The following CSPP1 variants were observed in gnomAD, a reference collection of about 807,000 sequenced individuals.
CSPP1 encodes centrosome and spindle pole-associated protein 1.
CSPP1 carries 126 observed loss-of-function variants against 164.4 expected under a neutral mutation model. That is an observed-to-expected ratio of 0.77 (90% confidence interval 0.66 to 0.89). The LOEUF is 0.89. Among genes scored for constraint, CSPP1 ranks in the 40% least tolerant of loss-of-function variants. CSPP1 has a pLI of 0.00. For missense variants in CSPP1, 1,395 were observed against 1,449.8 expected (o/e 0.96, Z 0.61); for synonymous variants, 472 against 476.7 (o/e 0.99, Z 0.13).
At position 67,091,881 on chromosome 8, in the gene CSPP1, A is replaced by G; in HGVS notation, c.382A>G (p.Lys128Glu). Residue 128 changes from lysine to glutamate, a missense_variant and splice_region_variant, in exon 5 of 31, where the codon AAG (lysine) becomes GAG (glutamate). By Grantham distance (56) the Lys-to-Glu change is moderately conservative. Transcript: ENST00000678616. ...SLPIGERLSAKERLKLERNKE... is the reference protein window; with the variant it reads ...SLPIGERLSAEERLKLERNKE... ...TCCTATTGGTGAGAGGTTATCTGCT[A>G]AGGTAGGTGGATAGGAGTAGTTATT... is the stretch of plus-strand genomic sequence containing the variant. The G allele has an allele frequency of 7.6e-7, 1 of 1,318,826 alleles. No homozygotes were observed. Among genetic ancestry groups the G allele is most frequent in the Non-Finnish European group, 1.0e-6 (1 of 989,632 alleles). The allele number at this position is 1,318,826 out of a possible 1,614,324, so 81.7% of individuals were successfully genotyped here. A position where few individuals can be genotyped will look rare whatever the true frequency, so the allele number is the denominator to read the frequency against.
At chr8:67,159,486 T>TATATATATATATAATACA (rs1827306647) in intron 21 of CSPP1, among the ~76,000 whole-genome samples, 1 of 141,980 alleles carries the variant, frequency 7.0e-6, no homozygotes, top group Non-Finnish European at 1.5e-5. Context: ...TGAGAGTGGT[T>TATATATATATATAATACA]TATATATATA....
At chr8:67,064,636 G>C in intron 1 of CSPP1, 98 bp downstream of exon 1, 1 of 1,152,976 alleles carries the variant, frequency 8.7e-7, no homozygotes, top group Non-Finnish European at 1.2e-6. Flanking sequence ...TCGGGGCGTA[G>C]GTCTCGAGGC....
chr8:67,108,591 A>G (rs925945526), intron 9 of CSPP1, among the ~76,000 whole-genome samples: 1 of 152,092 alleles, frequency 6.6e-6, no homozygotes, highest in Non-Finnish European at 1.5e-5. Context: ...CCCAGTTTTC[A>G]GCAAGACCTT....
At chr8:67,081,595 CTTA>C (rs1190192029) in intron 3 of CSPP1, among the ~76,000 whole-genome samples, 1 of 152,168 alleles carries the variant, frequency 6.6e-6, no homozygotes, top group Non-Finnish European at 1.5e-5. Context: ...TTCTTACTAA[CTTA>C]TTATTGTTTA....
chr8:67,157,221 T>C (rs779087969), intron 19 of CSPP1, among the ~76,000 whole-genome samples: 53 of 152,192 alleles, frequency 3.5e-4, no homozygotes, highest in Admixed American at 1.7e-3. Flanking sequence ...CTTATGCATA[T>C]TTAATAATGT....
intron 24 of CSPP1, among the ~76,000 whole-genome samples, chr8:67,166,593 C>G (rs1482009281): frequency 1.3e-5 from 2 of 152,114 alleles, no homozygotes; most frequent in African/African-American, 4.8e-5. Flanking sequence ...CAATAATTCT[C>G]CCATAGTAGG....
intron 4 of CSPP1, 25 bp from the exon 5 acceptor site, chr8:67,091,778 A>AT (rs764064453): frequency 3.4e-6 from 3 of 872,564 alleles, no homozygotes; most frequent in East Asian, 6.5e-5. Flanking sequence ...TAGGTAATAT[A>AT]TTTTTTTAAT....
intron 28 of CSPP1, among the ~76,000 whole-genome samples, chr8:67,185,737 TGAA>T (rs1321143743): frequency 1.3e-5 from 2 of 152,008 alleles, no homozygotes; most frequent in East Asian, 1.9e-4. Flanking sequence ...CTGAAGATGA[TGAA>T]GATGATGATG....
intron 6 of CSPP1, 130 bp from the exon 7 acceptor site, chr8:67,095,163 T>A (rs1812488478): frequency 4.1e-6 from 2 of 488,870 alleles, no homozygotes; most frequent in Admixed American, 7.6e-5. Context: ...TATATATATA[T>A]AAATATATGG....
rs1265957992 is a variant in CSPP1, at chr8:67,179,844, T to C, written c.3157-19T>C. 6.4e-7 allele frequency: 1 copy of C among 1,552,488 alleles called. No individual in the cohort carries two copies. The highest frequency in any genetic ancestry group is 1.4e-5 in the African/African-American group (1 of 73,374). On this transcript the variant is annotated intron_variant, in intron 27 of 30. Coordinates refer to ENST00000678616, the MANE Select transcript of CSPP1 (RefSeq NM_001382391.1). ...ACACAAAACTAATAAAAATAGTCATTGAAACATGTTTCTTTTAGCCCAGAG... is the reference window on the plus strand; with the variant it reads ...ACACAAAACTAATAAAAATAGTCATCGAAACATGTTTCTTTTAGCCCAGAG...
intron 26 of CSPP1, among the ~76,000 whole-genome samples, chr8:67,176,941 T>C (rs566622329): frequency 6.6e-6 from 1 of 151,790 alleles, no homozygotes; most frequent in South Asian, 2.1e-4. Context: ...CATGGAGGCG[T>C]GTGCCTGTAG....
intron 29 of CSPP1, among the ~76,000 whole-genome samples, chr8:67,192,235 TG>T (rs1836535033): frequency 6.6e-6 from 1 of 152,056 alleles, no homozygotes; most frequent in African/African-American, 2.4e-5. Flanking sequence ...CCAACACGCC[TG>T]GCTAAGTTTT....
At chr8:67,101,253 A>C (rs545573445) in intron 7 of CSPP1, among the ~76,000 whole-genome samples, 3 of 152,206 alleles carry the variant, frequency 2.0e-5, no homozygotes, top group Non-Finnish European at 4.4e-5. Flanking sequence ...GAAGAAAAGC[A>C]AATGTTTAGC....
chr8:67,106,886 T>C (rs1815662019), intron 9 of CSPP1, among the ~76,000 whole-genome samples: 1 of 152,182 alleles, frequency 6.6e-6, no homozygotes. Context: ...TGTTCCCTTG[T>C]GAATGGCTAT....
At position 67,158,479 on chromosome 8, in the gene CSPP1, G is replaced by A; in HGVS notation, c.2274G>A (p.Glu758=). Residue 758 remains glutamate, a synonymous_variant, in exon 20 of 31, where the codon GAG becomes GAA. Coordinates refer to ENST00000678616, the MANE Select transcript of CSPP1 (RefSeq NM_001382391.1). ...IEEKKQREEA[E]RERLRIAEEK... is the part of the protein sequence containing the mutation. ...AAAAGAAACAAAGAGAGGAAGCAGAGCGAGAGAGACTGAGAATTGCAGAAG... is the reference window on the plus strand; with the variant it reads ...AAAAGAAACAAAGAGAGGAAGCAGAACGAGAGAGACTGAGAATTGCAGAAG... The A allele has an allele frequency of 1.9e-6, 3 of 1,612,682 alleles. No homozygotes were observed. Among genetic ancestry groups the A allele is most frequent in the Non-Finnish European group, 2.5e-6 (3 of 1,179,154 alleles).
intron 12 of CSPP1, 25 bp from the exon 13 acceptor site, chr8:67,115,889 A>G: frequency 6.3e-7 from 1 of 1,592,122 alleles, no homozygotes; most frequent in Non-Finnish European, 8.6e-7. Context: ...ATATGTAACA[A>G]ACAGATTTTT....
At chr8:67,190,804 G>A (rs1329206940) in intron 29 of CSPP1, 45 bp downstream of exon 29, 2 of 1,396,574 alleles carry the variant, frequency 1.4e-6, no homozygotes, top group East Asian at 4.6e-5. Flanking sequence ...AGAAGAATGA[G>A]AGGTCTGGGT....
chr8:67,184,924 C>G (rs1243393350), intron 28 of CSPP1, among the ~76,000 whole-genome samples: 9 of 120,794 alleles, frequency 7.5e-5, no homozygotes, highest in African/African-American at 2.7e-4. Flanking sequence ...ACGGTGAAAT[C>G]ATGTCTCTAC....
chr8:67,189,808 T>C (rs1835714713), intron 28 of CSPP1, among the ~76,000 whole-genome samples: 1 of 152,252 alleles, frequency 6.6e-6, no homozygotes, highest in Non-Finnish European at 1.5e-5. Flanking sequence ...ATGGTGATTC[T>C]AAGTATTTGT....
Sources: allele counts gnomAD v4.1 joint callset (sites outside exome capture counted in the v4.1 genomes callset), GRCh38; gene constraint gnomAD v4.1.1; transcripts MANE v1.5; gene names NCBI Gene and HGNC (gene_info 2026-07-23, HGNC 2026-07-21).